BMPR1B: variants seen among roughly 807,000 people sequenced by gnomAD.
BMPR1B encodes the protein bone morphogenetic protein receptor type-1B.
In BMPR1B, 12 loss-of-function variants were observed where a neutral mutation model predicts 59.1. That is an observed-to-expected ratio of 0.20 (90% CI 0.13 to 0.33). BMPR1B has a LOEUF of 0.33. Ranked by LOEUF, BMPR1B falls within the 10% of genes least tolerant of loss-of-function variation. The probability of loss-of-function intolerance (pLI) is 1.00; values close to 1 mark genes in which losing one functional copy is unlikely to be tolerated. For missense variants in BMPR1B, 550 were observed against 610.9 expected (o/e 0.90, Z 1.05); for synonymous variants, 237 against 207.3 (o/e 1.14, Z -1.23).
intron 6 of BMPR1B, among the ~76,000 whole-genome samples, chr4:95,117,614 C>T (rs554671726): frequency 4.1e-4 from 62 of 151,368 alleles, no homozygotes; most frequent in African/African-American, 1.4e-3. Context: ...AAGGCTCCAT[C>T]TCTAAAAAAA....
chr4:94,919,108 C>T (rs570112653), intron 2 of BMPR1B, among the ~76,000 whole-genome samples: 3 of 152,098 alleles, frequency 2.0e-5, no homozygotes, highest in Admixed American at 6.6e-5. Flanking sequence ...CTTCTTGTTT[C>T]GAGGCCTCTG....
intron 2 of BMPR1B, among the ~76,000 whole-genome samples, chr4:94,900,548 A>T (rs1162653222): frequency 6.6e-6 from 1 of 152,060 alleles, no homozygotes; most frequent in Non-Finnish European, 1.5e-5. Context: ...ACAAGGGCAG[A>T]GTTTCAGAAT....
In BMPR1B at chr4:95,139,641, C is replaced by T. The variant is rs181742251; in HGVS notation, c.1076+8129C>T. ...GACGCCCCTCCCTCAGCCTCGCTGC[C>T]GCCTTGCAGTTCAATCTCAGACTGC... On this transcript the variant is annotated intron_variant, in intron 10 of 12. Coordinates refer to ENST00000515059, the MANE Select transcript of BMPR1B (RefSeq NM_001203.3). Among the ~76,000 whole-genome samples, 719 of 152,294 alleles carry T rather than the reference C, an allele frequency of 4.7e-3. 3 individuals carry two copies. The highest frequency in any genetic ancestry group is 7.4e-3 in the Non-Finnish European group (501 of 68,032).
intron 4 of BMPR1B, among the ~76,000 whole-genome samples, chr4:95,106,703 G>A (rs779498624): frequency 3.9e-5 from 6 of 151,968 alleles, no homozygotes; most frequent in Non-Finnish European, 7.4e-5. Flanking sequence ...TATGGATCTG[G>A]GGCTCAGAGA....
At chr4:94,860,001 G>T (rs1725915700) in intron 1 of BMPR1B, among the ~76,000 whole-genome samples, 1 of 152,082 alleles carries the variant, frequency 6.6e-6, no homozygotes, top group South Asian at 2.1e-4. Context: ...ATTAAAACTT[G>T]TCCATTTGAT....
chr4:94,868,789 A>T (rs1310464774), intron 1 of BMPR1B, among the ~76,000 whole-genome samples: 1 of 152,218 alleles, frequency 6.6e-6, no homozygotes, highest in Non-Finnish European at 1.5e-5. Flanking sequence ...GTTGCACAGG[A>T]TGAGTATTTG....
intron 2 of BMPR1B, among the ~76,000 whole-genome samples, chr4:94,891,227 A>G (rs1727381559): frequency 6.6e-6 from 1 of 152,068 alleles, no homozygotes; most frequent in Non-Finnish European, 1.5e-5. Flanking sequence ...CATTCCACTT[A>G]CATCTTATTG....
chr4:94,983,077 C>T (rs994773006), intron 2 of BMPR1B, among the ~76,000 whole-genome samples: 4 of 151,962 alleles, frequency 2.6e-5, no homozygotes, highest in Admixed American at 6.6e-5. Context: ...GCAGTTTCTT[C>T]TGCTTGGAAT....
chr4:94,758,693 C>T (rs1357711488), intron 1 of BMPR1B, among the ~76,000 whole-genome samples: 2 of 152,148 alleles, frequency 1.3e-5, no homozygotes, highest in East Asian at 1.9e-4. Flanking sequence ...TCTCCTCTCT[C>T]TCCTGCTTCT....
intron 1 of BMPR1B, among the ~76,000 whole-genome samples, chr4:94,861,755 C>A (rs1439348690): frequency 6.6e-6 from 1 of 152,102 alleles, no homozygotes; most frequent in African/African-American, 2.4e-5. Context: ...ATGGTTATAG[C>A]TAATCCATTT....
chr4:95,026,831 G>C lies in BMPR1B; in HGVS notation c.-18+30697G>C, dbSNP rs1724455352. On this transcript the variant is annotated intron_variant, in intron 3 of 12. Coordinates refer to ENST00000515059, the MANE Select transcript of BMPR1B (RefSeq NM_001203.3). Reference sequence around the variant, plus strand: ...GGATGGAGTGCAGTGACATGATCTAGCTCACTGCAGCCTCAAAATTCTGGG... The same window carrying C: ...GGATGGAGTGCAGTGACATGATCTACCTCACTGCAGCCTCAAAATTCTGGG... Among the ~76,000 whole-genome samples, 6 of 150,880 alleles carry C rather than the reference G, an allele frequency of 4.0e-5. No homozygotes were observed. The South Asian group carries it at 1.3e-3, about 32-fold the overall frequency.
intron 1 of BMPR1B, among the ~76,000 whole-genome samples, chr4:94,796,922 T>C (rs1260072080): frequency 7.2e-5 from 11 of 152,196 alleles, no homozygotes; most frequent in African/African-American, 2.2e-4. Context: ...AAATGTAGTA[T>C]GGAAGGGTAT....
At chr4:94,849,808 G>GTGTT in intron 1 of BMPR1B, among the ~76,000 whole-genome samples, 2 of 152,016 alleles carry the variant, frequency 1.3e-5, no homozygotes, top group South Asian at 4.2e-4. Flanking sequence ...GTGTGTGTGT[G>GTGTT]TGTGTGTGTG....
At chr4:94,963,347 G>T (rs982514034) in intron 2 of BMPR1B, among the ~76,000 whole-genome samples, 5 of 151,880 alleles carry the variant, frequency 3.3e-5, no homozygotes, top group African/African-American at 9.7e-5. Context: ...TTTCAGCTTC[G>T]TGTGATCCCA....
At chr4:94,987,251 A>T (rs1419061435) in intron 2 of BMPR1B, among the ~76,000 whole-genome samples, 1 of 146,314 alleles carries the variant, frequency 6.8e-6, no homozygotes, top group African/African-American at 2.5e-5. Context: ...ATAATATAAT[A>T]TAAAATATAT....
intron 3 of BMPR1B, among the ~76,000 whole-genome samples, chr4:94,998,359 A>C (rs1358014633): frequency 7.1e-6 from 1 of 140,686 alleles, no homozygotes; most frequent in Admixed American, 7.6e-5. Context: ...CTAGTAGTCC[A>C]GCTGCTACAC....
chr4:95,074,563 A>G (rs952298201), intron 3 of BMPR1B, among the ~76,000 whole-genome samples: 1 of 152,064 alleles, frequency 6.6e-6, no homozygotes, highest in African/African-American at 2.4e-5. Context: ...GAAGACCCCA[A>G]GGCCCTGTCC....
chr4:95,098,614 T>C (rs759153286), intron 3 of BMPR1B, among the ~76,000 whole-genome samples: 25 of 152,126 alleles, frequency 1.6e-4, no homozygotes, highest in Admixed American at 3.3e-4. Context: ...CATCTTTCTT[T>C]TTCATGGTTT....
rs1485295829 is a variant in BMPR1B at position 95,158,127 on chromosome 4, C to A, written c.*3454C>A. On this transcript the variant is annotated 3_prime_UTR_variant, in exon 13 of 13. Transcript: ENST00000515059. ...TCAGTAGTTACATTGCCTTAGAAAA[C>A]CCAGACACATAGCAGTGGAAATGAA... 1 of 152,082 alleles carries A rather than the reference C, an allele frequency of 6.6e-6. No individual in the cohort carries two copies. Among genetic ancestry groups the A allele is most frequent in the Non-Finnish European group, 1.5e-5 (1 of 68,004 alleles). The allele number at this position is 152,082 out of a possible 1,614,324, so 9.4% of individuals were successfully genotyped here.
Sources: gnomAD v4.1 joint callset for allele counts (sites outside exome capture counted in the v4.1 genomes callset) on GRCh38, gnomAD v4.1.1 for gene constraint, MANE v1.5 for transcripts, NCBI Gene and HGNC (gene_info 2026-07-23, HGNC 2026-07-21) for gene names.